Variants in SLC45A4 observed in about 807,000 individuals in gnomAD.
SLC45A4 encodes the protein polyamine-transporter SLC45A4.
In SLC45A4, 32 loss-of-function variants were observed where a neutral mutation model predicts 63.7. That is an observed-to-expected ratio of 0.50 (90% CI 0.38 to 0.67). SLC45A4 has a LOEUF of 0.67. SLC45A4 is among the 30% of genes least tolerant of loss of function. The pLI, the probability that SLC45A4 is intolerant of heterozygous loss-of-function variation, is 0.00. For missense variants in SLC45A4, 1,027 were observed against 1,157.7 expected, an observed-to-expected ratio of 0.89 and a Z score of 1.64; for synonymous variants, 535 against 510.0, an observed-to-expected ratio of 1.05 and a Z score of -0.66.
rs1384207969 is a variant in SLC45A4, at chr8:141,210,787, CTT to C, written c.*783_*784del. 2 of 152,198 alleles carry C rather than the reference CTT, an allele frequency of 1.3e-5. No homozygotes were observed. The highest frequency in any genetic ancestry group is 2.9e-5 in the Non-Finnish European group (2 of 68,042). The allele number at this position is 152,198 out of a possible 1,614,324, so 9.4% of individuals were successfully genotyped here. On this transcript the variant is annotated 3_prime_UTR_variant, in exon 9 of 9. Transcript: ENST00000517878. ...AAAAGTATTAATTACAATTGTCTGA[CTT>C]TATCTGTGTGATGTGCGGGGCCTCC...
At chr8:141,255,048 G>A (rs544798196) in intron 1 of SLC45A4, among the ~76,000 whole-genome samples, 2 of 152,288 alleles carry the variant, frequency 1.3e-5, no homozygotes, top group African/African-American at 4.8e-5. Flanking sequence ...AGGGAAAAGT[G>A]GGGGAGGTAG....
chr8:141,304,451 C>T (rs186271466), intron 1 of SLC45A4, among the ~76,000 whole-genome samples: 112 of 150,988 alleles, frequency 7.4e-4, no homozygotes, highest in African/African-American at 1.6e-3. Context: ...CCTAGCTATT[C>T]GGGAGGCGGA....
At chr8:141,276,397 G>C (rs1309382410) in intron 1 of SLC45A4, among the ~76,000 whole-genome samples, 1 of 152,200 alleles carries the variant, frequency 6.6e-6, no homozygotes, top group East Asian at 1.9e-4. Flanking sequence ...AAGCTCAGTA[G>C]GGAGAGCAAG....
chr8:141,241,571 GA>G (rs943160010), intron 2 of SLC45A4, among the ~76,000 whole-genome samples: 4 of 71,266 alleles, frequency 5.6e-5, no homozygotes, highest in Non-Finnish European at 8.7e-5. Context: ...TACAGTCAAA[GA>G]AAAAAAAAAG....
rs904663256 is a variant in SLC45A4 at position 141,227,596 on chromosome 8, T to A, written c.242-5831A>T. On this transcript the variant is annotated intron_variant, in intron 2 of 8. Coordinates refer to ENST00000517878, the MANE Select transcript of SLC45A4 (RefSeq NM_001286646.2). The surrounding 1 kb of genome is among the most constrained non-coding windows in gnomAD (Gnocchi z 4.4). ...GAAGGGCCCCAGACAGGAAAGACAC[T>A]GGGCCGGGGGAGCCGGGCCCCCAGG... is the stretch of plus-strand genomic sequence containing the variant. Among the ~76,000 whole-genome samples the A allele has an allele frequency of 2.0e-5, 3 of 152,056 alleles. No individual in the cohort carries two copies. The highest frequency in any genetic ancestry group is 7.2e-5 in the African/African-American group (3 of 41,408).
At chr8:141,269,630 G>A (rs1013566581) in intron 1 of SLC45A4, among the ~76,000 whole-genome samples, 5 of 151,736 alleles carry the variant, frequency 3.3e-5, no homozygotes, top group South Asian at 2.1e-4. Context: ...GTGTCTGTGC[G>A]GGGGGTGTGT....
chr8:141,286,845 CA>C (rs1162652689), intron 1 of SLC45A4, among the ~76,000 whole-genome samples: 1 of 151,734 alleles, frequency 6.6e-6, no homozygotes, highest in Non-Finnish European at 1.5e-5. Context: ...CTGCTCTTCA[CA>C]AACTACTTTA....
rs1015879196 is a variant in SLC45A4, at chr8:141,254,010, T to G, written c.220A>C (p.Thr74Pro). The G allele has an allele frequency of 2.3e-5, 36 of 1,536,060 alleles. No individual in the cohort carries two copies. Among genetic ancestry groups the G allele is most frequent in the Non-Finnish European group, 3.1e-5 (35 of 1,146,926 alleles). ...TTACCAATCTGCAACAGTATTGGTG[T>G]GACCAGAGCGGTTTCCATGGCGTAA... ...FCYAMETALV[T>P]PILLQIGLPE... Residue 74 changes from threonine (T) to proline (P), a missense_variant, in exon 2 of 9, where the codon ACA (threonine) becomes CCA (proline). Transcript: ENST00000517878. The surrounding 1 kb of genome is among the most constrained non-coding windows in gnomAD (Gnocchi z 4.5).
chr8:141,257,814 C>G (rs1339979111), intron 1 of SLC45A4, among the ~76,000 whole-genome samples: 1 of 152,184 alleles, frequency 6.6e-6, no homozygotes, highest in Non-Finnish European at 1.5e-5. Context: ...ACAGAACAGC[C>G]TCCAGCAGAG....
chr8:141,273,890 T>C (rs924492855), intron 1 of SLC45A4, among the ~76,000 whole-genome samples: 5 of 152,198 alleles, frequency 3.3e-5, no homozygotes, highest in African/African-American at 1.2e-4. Context: ...AAGGGAAGTA[T>C]GACGGATATT....
At chr8:141,261,762 T>G (rs1213406410) in intron 1 of SLC45A4, among the ~76,000 whole-genome samples, 1 of 152,114 alleles carries the variant, frequency 6.6e-6, no homozygotes. Context: ...TGCTCATGGG[T>G]AGGAAGAATC....
At chr8:141,222,349 G>A (rs1365426377) in intron 2 of SLC45A4, among the ~76,000 whole-genome samples, 2 of 152,250 alleles carry the variant, frequency 1.3e-5, no homozygotes, top group Non-Finnish European at 2.9e-5. Flanking sequence ...TGGCCACTGA[G>A]TGGGGGCAGG....
At chr8:141,231,177 G>A (rs932177044) in intron 2 of SLC45A4, among the ~76,000 whole-genome samples, 2 of 152,242 alleles carry the variant, frequency 1.3e-5, no homozygotes, top group African/African-American at 4.8e-5. Flanking sequence ...GGATGGGTGC[G>A]GAGGGTGGGA....
At position 141,212,345 on chromosome 8, in the gene SLC45A4, T is replaced by A; in HGVS notation, c.2153A>T (p.Asn718Ile). 2 of 1,613,486 alleles carry A rather than the reference T, an allele frequency of 1.2e-6. No individual in the cohort carries two copies. Among genetic ancestry groups the A allele is most frequent in the Non-Finnish European group, 1.7e-6 (2 of 1,179,986 alleles). The change falls in exon 8 of 9, where the codon AAC becomes ATC. Residue 718 changes from asparagine to isoleucine, a missense_variant. Physicochemically the swap from Asn to Ile is moderately radical, Grantham distance 149 (BLOSUM62 -3). Coordinates refer to ENST00000517878, the MANE Select transcript of SLC45A4 (RefSeq NM_001286646.2). Reference protein sequence around the residue: ...LTATFLVIYPNVSEEAKEEQK... With the variant: ...LTATFLVIYPIVSEEAKEEQK... Reference sequence around the variant, plus strand: ...CTCCTCCTTGGCCTCCTCTGACACGTTGGGATAGATCACCAGGAATGTGGC... The same window carrying A: ...CTCCTCCTTGGCCTCCTCTGACACGATGGGATAGATCACCAGGAATGTGGC...
chr8:141,218,978 G>C lies in SLC45A4; in HGVS notation c.662C>G (p.Thr221Ser). ...GGTCCGGAACCAGCTGCCCAGGAAG[G>C]TCTGGGTCCAGTCCAGCCCACCCAG... The part of the protein sequence containing the change: ...YVLGGLDWTQ[T>S]FLGSWFRTQN... Residue 221 changes from threonine (T) to serine (S), a missense_variant, in exon 5 of 9, where the codon ACC (threonine) becomes AGC (serine). Physicochemically the swap from Thr to Ser is moderately conservative, Grantham distance 58. Transcript: ENST00000517878. The C allele has an allele frequency of 1.2e-5, 20 of 1,613,422 alleles. No individual in the cohort carries two copies. Among genetic ancestry groups the C allele is most frequent in the Non-Finnish European group, 1.7e-5 (20 of 1,179,908 alleles).
chr8:141,283,653 A>G (rs918036905), intron 1 of SLC45A4, among the ~76,000 whole-genome samples: 1 of 152,192 alleles, frequency 6.6e-6, no homozygotes, highest in Non-Finnish European at 1.5e-5. Flanking sequence ...AGCCTCAAGG[A>G]TTTTCCTACA....
At chr8:141,219,518 A>T in intron 4 of SLC45A4, 132 bp downstream of exon 4, 1 of 1,156,412 alleles carries the variant, frequency 8.6e-7, no homozygotes, top group Non-Finnish European at 1.2e-6. Flanking sequence ...CAGCCCTAAG[A>T]CCCTGCCCAC....
chr8:141,218,951 T>C lies in SLC45A4; in HGVS notation c.689A>G (p.Gln230Arg). The change falls in exon 5 of 9, where the codon CAG (glutamine) becomes CGG (arginine). Residue 230 changes from glutamine (Q) to arginine (R), a missense_variant. Physicochemically the swap from Gln to Arg is conservative, Grantham distance 43 (BLOSUM62 1). Coordinates refer to ENST00000517878, the MANE Select transcript of SLC45A4 (RefSeq NM_001286646.2). ...GGCAAAGAAGAAGAGCACCTGGTTCTGGGTCCGGAACCAGCTGCCCAGGAA... is the reference window on the plus strand; with the variant it reads ...GGCAAAGAAGAAGAGCACCTGGTTCCGGGTCCGGAACCAGCTGCCCAGGAA... ...QTFLGSWFRT[Q>R]NQVLFFFAAI... 1.2e-6 allele frequency: 2 copies of C among 1,613,658 alleles called. No individual in the cohort carries two copies. The highest frequency in any genetic ancestry group is 1.7e-6 in the Non-Finnish European group (2 of 1,179,934).
intron 8 of SLC45A4, 51 bp downstream of exon 8, chr8:141,212,146 G>GCCCGCCCA (rs764444831): frequency 9.7e-6 from 5 of 516,540 alleles, no homozygotes; most frequent in East Asian, 1.1e-4. Context: ...CCGCCCGCCC[G>GCCCGCCCA]CCCGCCCACC....
Sources: gnomAD v4.1 joint callset for allele counts (sites outside exome capture counted in the v4.1 genomes callset) on GRCh38, gnomAD v4.1.1 for gene constraint, Gnocchi (gnomAD v3.1) non-coding constraint, MANE v1.5 for transcripts, NCBI Gene and HGNC (gene_info 2026-07-23, HGNC 2026-07-21) for gene names.